Variants in RABGAP1L observed in about 807,000 individuals in gnomAD.
RABGAP1L encodes RAB GTPase activating protein 1 like.
A neutral mutation model predicts 137.7 loss-of-function variants in RABGAP1L; 63 were observed. The observed-to-expected ratio is 0.46, with a 90% CI of 0.37 to 0.56. The LOEUF (loss-of-function observed/expected upper bound fraction) is 0.56, where lower values mean the gene tolerates loss of function less well. Among genes scored for constraint, RABGAP1L ranks in the 20% least tolerant of loss-of-function variants. RABGAP1L has a pLI of 0.00. For synonymous variants in RABGAP1L, 431 were observed against 433.7 expected, an observed-to-expected ratio of 0.99 and a Z score of 0.08; for missense variants, 1,095 against 1,244.0, an observed-to-expected ratio of 0.88 and a Z score of 1.80.
intron 13 of RABGAP1L, among the ~76,000 whole-genome samples, chr1:174,421,521 A>G (rs1446373845): frequency 6.6e-6 from 1 of 152,116 alleles, no homozygotes; most frequent in African/African-American, 2.4e-5. Context: ...CTCTGCTGTC[A>G]TTTCTCTTGA....
chr1:174,679,663 T>G (rs1450699775), intron 14 of RABGAP1L, among the ~76,000 whole-genome samples: 1 of 152,182 alleles, frequency 6.6e-6, no homozygotes, highest in Non-Finnish European at 1.5e-5. Context: ...ACAACATGGT[T>G]ATGCATGTAG....
chr1:174,474,437 C>G (rs1331921089), intron 13 of RABGAP1L, among the ~76,000 whole-genome samples: 2 of 152,112 alleles, frequency 1.3e-5, no homozygotes, highest in Non-Finnish European at 2.9e-5. Context: ...CAAAATGTTC[C>G]TGATGTCAGC....
chr1:174,350,310 C>T (rs9425439), intron 11 of RABGAP1L, among the ~76,000 whole-genome samples: 16 of 95,374 alleles, frequency 1.7e-4, no homozygotes, highest in Non-Finnish European at 2.7e-4. Context: ...AGCTGCCGGG[C>T]GGAGGGGCTC....
chr1:174,476,435 T>G (rs1333838073), intron 13 of RABGAP1L, among the ~76,000 whole-genome samples: 1 of 152,218 alleles, frequency 6.6e-6, no homozygotes, highest in Non-Finnish European at 1.5e-5. Context: ...TTTCCTAATT[T>G]ATGCAAAATT....
intron 11 of RABGAP1L, among the ~76,000 whole-genome samples, chr1:174,312,362 A>G (rs776002206): frequency 6.6e-6 from 1 of 152,144 alleles, no homozygotes; most frequent in Non-Finnish European, 1.5e-5. Context: ...GCATCTTTTC[A>G]TATGCCTGTT....
intron 13 of RABGAP1L, among the ~76,000 whole-genome samples, chr1:174,543,488 C>G (rs767284645): frequency 6.6e-6 from 1 of 151,996 alleles, no homozygotes; most frequent in Non-Finnish European, 1.5e-5. Flanking sequence ...CTATGTGTTT[C>G]CCTGCCTGTG....
intron 13 of RABGAP1L, among the ~76,000 whole-genome samples, chr1:174,634,021 A>G (rs1673697302): frequency 9.2e-6 from 1 of 108,670 alleles, no homozygotes; most frequent in South Asian, 3.4e-4. Flanking sequence ...AACAAAAGAC[A>G]AAATTGACAA....
chr1:174,681,817 A>G (rs1372757711), intron 14 of RABGAP1L, among the ~76,000 whole-genome samples: 21 of 152,212 alleles, frequency 1.4e-4, no homozygotes. Context: ...GTTATCTTTG[A>G]TAAGCCTTGT....
chr1:174,700,881 G>T, intron 16 of RABGAP1L: 1 of 281,400 alleles, frequency 3.6e-6, no homozygotes, highest in South Asian at 4.9e-5. Context: ...TATTCCTAAG[G>T]GCTTTGAGAA....
intron 13 of RABGAP1L, among the ~76,000 whole-genome samples, chr1:174,449,699 A>AT (rs1313652731): frequency 6.6e-6 from 1 of 152,244 alleles, no homozygotes; most frequent in Non-Finnish European, 1.5e-5. Context: ...TCTATAATCC[A>AT]TAAGTGATCT....
intron 13 of RABGAP1L, among the ~76,000 whole-genome samples, chr1:174,568,697 G>A (rs1041621648): frequency 6.6e-6 from 1 of 152,062 alleles, no homozygotes; most frequent in East Asian, 1.9e-4. Context: ...CTGAGTGTGT[G>A]TGTGTATTTG....
At chr1:174,159,797 G>A (rs904552789) in intron 1 of RABGAP1L, 140 bp downstream of exon 1, 1 of 152,432 alleles carries the variant, frequency 6.6e-6, no homozygotes, top group Non-Finnish European at 1.5e-5. Context: ...CTGGGATGCG[G>A]GAGGACCGCG....
chr1:174,977,730 C>T (rs971793600), intron 22 of RABGAP1L, among the ~76,000 whole-genome samples: 4 of 152,176 alleles, frequency 2.6e-5, no homozygotes, highest in Admixed American at 2.6e-4. Flanking sequence ...CCAAGTCTGT[C>T]CTAACATCTA....
chr1:174,762,832 T>TA (rs1364150059), intron 18 of RABGAP1L, among the ~76,000 whole-genome samples: 3 of 132,990 alleles, frequency 2.3e-5, no homozygotes, highest in East Asian at 2.0e-4. Flanking sequence ...TTTTTTTTTT[T>TA]AAGATAGATT....
At chr1:174,772,432 C>T (rs1236933939) in intron 18 of RABGAP1L, among the ~76,000 whole-genome samples, 4 of 151,116 alleles carry the variant, frequency 2.6e-5, no homozygotes, top group Admixed American at 6.6e-5. Context: ...ACAAAATTAG[C>T]GGGTGTTGTG....
rs771498803 is a variant in RABGAP1L at position 174,305,016 on chromosome 1, G to A, written c.1354G>A (p.Asp452Asn). The A allele has an allele frequency of 1.3e-6, 2 of 1,560,730 alleles. No homozygotes were observed. Among genetic ancestry groups the A allele is most frequent in the South Asian group, 2.5e-5 (2 of 81,442 alleles). The change falls in exon 11 of 26, where the codon GAT becomes AAT. Residue 452 changes from aspartate (D) to asparagine (N), a missense_variant. Transcript: ENST00000681986. ...SEGKGHTNAG[D>N]AIYEVVSLQR... ...GGGAAAAGGCCATACCAATGCTGGAGATGCAATATATGAGGTGGTGAGTCT... is the reference window on the plus strand; with the variant it reads ...GGGAAAAGGCCATACCAATGCTGGAAATGCAATATATGAGGTGGTGAGTCT...
chr1:174,813,935 A>C (rs1195312329), intron 19 of RABGAP1L, among the ~76,000 whole-genome samples: 2 of 152,232 alleles, frequency 1.3e-5, no homozygotes, highest in Non-Finnish European at 2.9e-5. Context: ...GTAGAGAAAT[A>C]AGAGGTACAG....
At chr1:174,374,919 A>C (rs931680868) in intron 12 of RABGAP1L, among the ~76,000 whole-genome samples, 1 of 152,144 alleles carries the variant, frequency 6.6e-6, no homozygotes, top group African/African-American at 2.4e-5. Flanking sequence ...GTTTGGGATT[A>C]TATCACCATT....
intron 13 of RABGAP1L, among the ~76,000 whole-genome samples, chr1:174,578,457 A>G (rs1668522187): frequency 6.6e-6 from 1 of 152,154 alleles, no homozygotes. Flanking sequence ...TACAGGTGTG[A>G]GTTACCAAGC....
Sources: allele counts gnomAD v4.1 joint callset (sites outside exome capture counted in the v4.1 genomes callset), GRCh38; gene constraint gnomAD v4.1.1; transcripts MANE v1.5; gene names NCBI Gene and HGNC (gene_info 2026-07-23, HGNC 2026-07-21).